STAU2: variants seen among roughly 807,000 people sequenced by gnomAD.
STAU2 encodes the protein double-stranded RNA-binding protein Staufen homolog 2.
STAU2 carries 20 observed loss-of-function variants against 65.9 expected under a neutral mutation model. The observed-to-expected ratio is 0.30, with a 90% CI of 0.21 to 0.44. The LOEUF is 0.44. Ranked by LOEUF, STAU2 falls within the 20% of genes least tolerant of loss-of-function variation. STAU2 has a pLI of 1.00. For synonymous variants in STAU2, 232 were observed against 233.9 expected (o/e 0.99, Z 0.07); for missense variants, 558 against 683.9 (o/e 0.82, Z 2.05).
chr8:73,651,034 C>T (rs562802934), intron 6 of STAU2, among the ~76,000 whole-genome samples: 1 of 152,348 alleles, frequency 6.6e-6, no homozygotes, highest in South Asian at 2.1e-4. Context: ...CTCCTCCCCA[C>T]CTTGTGGCGG....
chr8:73,743,991 C>T (rs1328966072), intron 1 of STAU2, among the ~76,000 whole-genome samples: 1 of 149,694 alleles, frequency 6.7e-6, no homozygotes, highest in Non-Finnish European at 1.5e-5. Flanking sequence ...AGGCTGGTCT[C>T]GAACTCCTGA....
At position 73,624,885 on chromosome 8, in the gene STAU2, C is replaced by T. The variant is rs1434001244; in HGVS notation, c.411-7434G>A. Among the ~76,000 whole-genome samples the T allele has an allele frequency of 3.9e-5, 6 of 152,300 alleles. No individual in the cohort carries two copies. In the East Asian group the frequency reaches 1.2e-3, roughly 29 times the overall value. ...CAGCTGCCAAAGGCAATGATGGGGA[C>T]ACTGTAAGTCTAGAAGACCAAGTTG... On this transcript the variant is annotated intron_variant, in intron 6 of 14. Transcript: ENST00000524300.
At chr8:73,679,876 G>A (rs1053096118) in intron 5 of STAU2, among the ~76,000 whole-genome samples, 2 of 148,202 alleles carry the variant, frequency 1.3e-5, no homozygotes, top group African/African-American at 5.0e-5. Context: ...GTGACAGACT[G>A]AGACTCCACC....
chr8:73,686,274 G>C (rs958299063), intron 5 of STAU2, among the ~76,000 whole-genome samples: 5 of 152,106 alleles, frequency 3.3e-5, no homozygotes, highest in African/African-American at 1.2e-4. Context: ...AATTAGGCCA[G>C]GCACAGTGGC....
rs1012257216 is a variant in STAU2 at position 73,584,406 on chromosome 8, T to A, written c.1162-1576A>T. ...AACACTGAAGATTTAAAAGTGGGGT[T>A]GCTAATGCGCTAAGTGTTTTGCATA... On this transcript the variant is annotated intron_variant, in intron 11 of 14. Coordinates refer to ENST00000524300, the MANE Select transcript of STAU2 (RefSeq NM_001164380.2). 1.2e-4 allele frequency among the ~76,000 whole-genome samples: 19 copies of A among 152,360 alleles called. No homozygotes were observed. The East Asian group carries it at 1.9e-3, about 15-fold the overall frequency.
At chr8:73,721,528 G>GGATTTCTC (rs1807001195) in intron 3 of STAU2, among the ~76,000 whole-genome samples, 1 of 151,974 alleles carries the variant, frequency 6.6e-6, no homozygotes, top group African/African-American at 2.4e-5. Flanking sequence ...AATTATGACT[G>GGATTTCTC]GATTTCTCAA....
chr8:73,595,665 T>A (rs1811129124), intron 10 of STAU2, among the ~76,000 whole-genome samples: 1 of 152,188 alleles, frequency 6.6e-6, no homozygotes, highest in Non-Finnish European at 1.5e-5. Context: ...TTCTTATATT[T>A]CAATTAATAA....
intron 3 of STAU2, among the ~76,000 whole-genome samples, chr8:73,721,999 G>A (rs1821719507): frequency 6.6e-6 from 1 of 151,886 alleles, no homozygotes; most frequent in African/African-American, 2.4e-5. Context: ...GACTTCTGTT[G>A]AATTATTTTG....
At chr8:73,620,629 G>A (rs1214862751) in intron 6 of STAU2, among the ~76,000 whole-genome samples, 3 of 152,158 alleles carry the variant, frequency 2.0e-5, no homozygotes, top group African/African-American at 7.2e-5. Flanking sequence ...GTATGTGTAT[G>A]TGCATGCATG....
chr8:73,602,446 C>T lies in STAU2; in HGVS notation c.1029+1280G>A, dbSNP rs555117723. Among the ~76,000 whole-genome samples the T allele has an allele frequency of 3.3e-5, 5 of 152,312 alleles. No homozygotes were observed. The East Asian group carries it at 5.8e-4, about 18-fold the overall frequency. ...GTTTGAGACTAAGCACAGTGGCTCA[C>T]GCCTGTAATCCTAACACTTTGAGAG... On this transcript the variant is annotated intron_variant, in intron 10 of 14. Coordinates refer to ENST00000524300, the MANE Select transcript of STAU2 (RefSeq NM_001164380.2).
chr8:73,707,611 G>A (rs372911505), intron 4 of STAU2, among the ~76,000 whole-genome samples: 2 of 152,192 alleles, frequency 1.3e-5, no homozygotes, highest in East Asian at 3.9e-4. Flanking sequence ...TGTGGGAAGT[G>A]TGTCTGCTAA....
intron 6 of STAU2, among the ~76,000 whole-genome samples, chr8:73,622,123 ATTTTTTT>A: frequency 4.0e-5 from 1 of 25,182 alleles, no homozygotes; most frequent in Admixed American, 3.7e-4. Flanking sequence ...TGCCCAGCTA[ATTTTTTT>A]TTTTTTTTTT....
intron 9 of STAU2, among the ~76,000 whole-genome samples, chr8:73,608,717 C>T (rs559627689): frequency 3.0e-4 from 45 of 151,918 alleles, no homozygotes; most frequent in South Asian, 1.0e-3. Context: ...AAACGTCGGG[C>T]GCAGTGGCTC....
chr8:73,623,502 T>C (rs573743489), intron 6 of STAU2, among the ~76,000 whole-genome samples: 40 of 152,332 alleles, frequency 2.6e-4, no homozygotes, highest in Middle Eastern at 3.4e-3. Context: ...GAAAATGCTA[T>C]CTTCCGATCT....
intron 13 of STAU2, among the ~76,000 whole-genome samples, chr8:73,438,560 G>C (rs1031601110): frequency 3.3e-5 from 5 of 152,232 alleles, no homozygotes; most frequent in Admixed American, 6.5e-5. Context: ...CTGTGGTGCA[G>C]TAAAGGGCAA....
chr8:73,491,594 CT>C (rs1290634386), intron 13 of STAU2, among the ~76,000 whole-genome samples: 1 of 151,746 alleles, frequency 6.6e-6, no homozygotes, highest in Non-Finnish European at 1.5e-5. Context: ...TGTACTTTTG[CT>C]TTTTTTAACT....
intron 13 of STAU2, among the ~76,000 whole-genome samples, chr8:73,530,262 C>T (rs1355117257): frequency 6.6e-6 from 1 of 152,188 alleles, no homozygotes; most frequent in Non-Finnish European, 1.5e-5. Context: ...AACCTAATCT[C>T]AGTGAGATTT....
intron 12 of STAU2, 129 bp downstream of exon 12, chr8:73,582,641 T>C (rs1433148705): frequency 1.3e-5 from 9 of 675,242 alleles, no homozygotes; most frequent in Non-Finnish European, 2.0e-5. Context: ...ACACCAGGAC[T>C]CCTTTGTACC....
chr8:73,660,326 A>C (rs1816735234), intron 6 of STAU2, among the ~76,000 whole-genome samples: 1 of 152,134 alleles, frequency 6.6e-6, no homozygotes, highest in South Asian at 2.1e-4. Context: ...GCTACTCAGG[A>C]GGCTGAGGCA....
Sources: gnomAD v4.1 joint callset for allele counts (sites outside exome capture counted in the v4.1 genomes callset) on GRCh38, gnomAD v4.1.1 for gene constraint, MANE v1.5 for transcripts, NCBI Gene and HGNC (gene_info 2026-07-23, HGNC 2026-07-21) for gene names.